SPTBN2: variants seen among roughly 807,000 people sequenced by gnomAD.
SPTBN2 encodes the protein spectrin beta chain, non-erythrocytic 2.
In SPTBN2, 107 loss-of-function variants were observed where a neutral mutation model predicts 284.2. The observed-to-expected ratio is 0.38, with a 90% confidence interval of 0.32 to 0.44. The LOEUF is 0.44. Among genes scored for constraint, SPTBN2 ranks in the 20% least tolerant of loss-of-function variants. SPTBN2 has a pLI of 1.00. For missense variants in SPTBN2, 2,569 were observed against 3,287.1 expected, an observed-to-expected ratio of 0.78 and a Z score of 5.34; for synonymous variants, 1,289 against 1,354.8, an observed-to-expected ratio of 0.95 and a Z score of 1.07.
intron 15 of SPTBN2, among the ~76,000 whole-genome samples, chr11:66,702,411 C>T (rs546891994): frequency 8.5e-5 from 13 of 152,142 alleles, no homozygotes; most frequent in Admixed American, 2.0e-4. Context: ...ATGCTCCACC[C>T]GCCTTGGCCT....
Position 66,718,414 on chromosome 11 carries a change from C to T in SPTBN2, c.158-2433G>A, listed in dbSNP as rs1352144820. Among the ~76,000 whole-genome samples the T allele has an allele frequency of 1.3e-5, 2 of 152,254 alleles. No individual in the cohort carries two copies. The highest frequency in any genetic ancestry group is 2.9e-5 in the Non-Finnish European group (2 of 68,044). Reference sequence around the variant, plus strand: ...CAGGTCCCTCTCGCCCAGGCACAGTCGTCCCCACAGGGGGCCCCCGGGCCT... The same window carrying T: ...CAGGTCCCTCTCGCCCAGGCACAGTTGTCCCCACAGGGGGCCCCCGGGCCT... On this transcript the variant is annotated intron_variant, in intron 3 of 37. Transcript: ENST00000533211. This position sits in a 1 kb window ranked among gnomAD's most constrained non-coding sequence, Gnocchi z 4.8.
chr11:66,688,472 G>A (rs1940306447), intron 31 of SPTBN2, among the ~76,000 whole-genome samples, 161 bp from the exon 32 acceptor site: 1 of 152,256 alleles, frequency 6.6e-6, no homozygotes, highest in Non-Finnish European at 1.5e-5. Context: ...GGGAGAAGGT[G>A]TCTCGGCATC....
rs147422843 is a variant in SPTBN2 at position 66,708,155 on chromosome 11, G to A, written c.1336C>T (p.Arg446Cys). 1.9e-5 allele frequency: 31 copies of A among 1,613,128 alleles called. No individual in the cohort carries two copies. Among genetic ancestry groups the A allele is most frequent in the African/African-American group, 1.3e-4 (10 of 75,058 alleles). ...TCAAGTCCTACCTGGGACACGAGGC[G>A]CTGGTTCTCGCTGAGCCAGGTCTCC... ...MRETWLSENQ[R>C]LVSQDNFGLE... The change falls in exon 12 of 38, where the codon CGC becomes TGC. Residue 446 changes from arginine to cysteine, a missense_variant. This residue lies in a region of SPTBN2 where 1,012 missense variants were observed against 1,248.9 expected (regional missense o/e 0.81). Transcript: ENST00000533211. The surrounding 1 kb of genome is among the most constrained non-coding windows in gnomAD (Gnocchi z 4.4).
rs771220214 is a variant in SPTBN2 at position 66,693,793 on chromosome 11, C to T, written c.4572G>A (p.Gln1524=). The T allele has an allele frequency of 1.2e-6, 2 of 1,613,502 alleles. No individual in the cohort carries two copies. The highest frequency in any genetic ancestry group is 8.5e-7 in the Non-Finnish European group (1 of 1,179,826). The change falls in exon 23 of 38, where the codon CAG becomes CAA. Residue 1524 remains glutamine, a synonymous_variant. Coordinates refer to ENST00000533211, the MANE Select transcript of SPTBN2 (RefSeq NM_006946.4). This position sits in a 1 kb window ranked among gnomAD's most constrained non-coding sequence, Gnocchi z 5.7. ...TCACCTGGTTTTTCTTCATGAGAAG[C>T]TGGACGCTGGGCAGGTCCTTGCCAT... ...MEHGKDLPSV[Q]LLMKKNQTLQ...
chr11:66,689,283 CTTTT>C (rs879680949), intron 29 of SPTBN2, 103 bp from the exon 30 acceptor site: 2 of 1,107,630 alleles, frequency 1.8e-6, no homozygotes, highest in Non-Finnish European at 1.3e-6. Context: ...TTCTTTCTTT[CTTTT>C]TTTTGAGACG....
At chr11:66,740,379 A>T (rs1942887465) in intron 1 of SPTBN2, among the ~76,000 whole-genome samples, 1 of 152,222 alleles carries the variant, frequency 6.6e-6, no homozygotes, top group Non-Finnish European at 1.5e-5. Context: ...CTGTAGTCCA[A>T]GAATTGCACA....
chr11:66,701,747 G>T, intron 15 of SPTBN2, 26 bp from the exon 16 acceptor site: 1 of 1,614,048 alleles, frequency 6.2e-7, no homozygotes. Context: ...AGCCAGGCGT[G>T]AATTGTGGGA....
chr11:66,737,816 G>A (rs1019407538), intron 1 of SPTBN2, among the ~76,000 whole-genome samples: 5 of 152,198 alleles, frequency 3.3e-5, no homozygotes, highest in African/African-American at 1.2e-4. Flanking sequence ...GAGGAAGGAG[G>A]TAGAGAGAAG....
rs753376780 is a variant in SPTBN2, at chr11:66,693,742, C to T, written c.4593+30G>A. ...CCAAGTCTGGGCAGGCTCCTGGGAA[C>T]TTCTCTTTTGCCTTCAGCCTCTGCC... On this transcript the variant is annotated intron_variant, in intron 23 of 37. Coordinates refer to ENST00000533211, the MANE Select transcript of SPTBN2 (RefSeq NM_006946.4). The surrounding 1 kb of genome is among the most constrained non-coding windows in gnomAD (Gnocchi z 5.7). The T allele has an allele frequency of 2.5e-6, 4 of 1,597,976 alleles. No individual in the cohort carries two copies. In the South Asian group the frequency reaches 4.5e-5, roughly 18 times the overall value.
chr11:66,705,127 G>C lies in SPTBN2; in HGVS notation c.2149C>G (p.Gln717Glu). The C allele has an allele frequency of 1.3e-6, 2 of 1,546,024 alleles. No homozygotes were observed. The highest frequency in any genetic ancestry group is 1.7e-6 in the Non-Finnish European group (2 of 1,149,640). ...LVAEGHPGAS[Q>E]ASARAAELQA... ...AGTTCAGCTGCACGGGCAGAGGCCT[G>C]GCTTGCCCCAGGGTGACCCTCGGCC... The change falls in exon 15 of 38, where the codon CAG becomes GAG. Residue 717 changes from glutamine to glutamate, a missense_variant. Transcript: ENST00000533211.
chr11:66,687,004 A>C lies in SPTBN2; in HGVS notation c.6886T>G (p.Phe2296Val). The change falls in exon 36 of 38, where the codon TTC becomes GTC. Residue 2296 changes from phenylalanine (F) to valine (V), a missense_variant. Phe to Val is a conservative substitution (Grantham distance 50, BLOSUM62 -1). This residue lies in a region of SPTBN2 where 1,130 missense variants were observed against 1,317.3 expected (regional missense o/e 0.86). Transcript: ENST00000533211. The surrounding 1 kb of genome is among the most constrained non-coding windows in gnomAD (Gnocchi z 5.2). ...GTTCCCTGTTCCTACCCCAGCTTGA[A>C]GACATGTTTGCGCTTTCGGTAATCA... ...AFDYRKRKHV[F>V]KLGLQDGKEY... is the part of the protein sequence containing the mutation. The C allele has an allele frequency of 6.2e-7, 1 of 1,613,946 alleles. No individual in the cohort carries two copies. Among genetic ancestry groups the C allele is most frequent in the Non-Finnish European group, 8.5e-7 (1 of 1,180,018 alleles).
At chr11:66,703,869 T>C (rs116852454) in intron 15 of SPTBN2, among the ~76,000 whole-genome samples, 2 of 152,308 alleles carry the variant, frequency 1.3e-5, no homozygotes, top group Admixed American at 6.5e-5. Flanking sequence ...TTAGTGTCTC[T>C]GTCTAAAAGG....
intron 8 of SPTBN2, among the ~76,000 whole-genome samples, chr11:66,712,484 T>G (rs1590963674): frequency 6.6e-6 from 1 of 151,044 alleles, no homozygotes; most frequent in African/African-American, 2.4e-5. Context: ...GAGGCGGAGG[T>G]TGCAGTGAGC....
rs761586529 is a variant in SPTBN2, at chr11:66,688,724, G to A, written c.6160C>T (p.Arg2054Trp). ...TVDEVESLIK[R>W]HEAFQKSAVA... ...GCTGACTTCTGGAAGGCCTCGTGCCGCTTGATGAGGCTCTCAACTTCGTCG... is the reference window on the plus strand; with the variant it reads ...GCTGACTTCTGGAAGGCCTCGTGCCACTTGATGAGGCTCTCAACTTCGTCG... Residue 2054 changes from arginine (R) to tryptophan (W), a missense_variant, in exon 31 of 38, where the codon CGG becomes TGG. Coordinates refer to ENST00000533211, the MANE Select transcript of SPTBN2 (RefSeq NM_006946.4). 4.3e-6 allele frequency: 7 copies of A among 1,613,754 alleles called. No homozygotes were observed. The Admixed American group carries it at 6.7e-5, about 15-fold the overall frequency.
chr11:66,742,889 C>T (rs1180743254), intron 1 of SPTBN2, among the ~76,000 whole-genome samples: 4 of 152,196 alleles, frequency 2.6e-5, no homozygotes, highest in African/African-American at 7.2e-5. Flanking sequence ...GGATTACAGG[C>T]GTGAGCCACT....
rs566851314 is a variant in SPTBN2 at position 66,698,104 on chromosome 11, C to T, written c.4014+535G>A. ...TGGGTGGGAGACCAAGAACCAGGGA[C>T]GGCAAGACTCGAAAATAAGGATTGG... On this transcript the variant is annotated intron_variant, in intron 20 of 37. Coordinates refer to ENST00000533211, the MANE Select transcript of SPTBN2 (RefSeq NM_006946.4). Among the ~76,000 whole-genome samples the T allele has an allele frequency of 1.1e-3, 175 of 152,260 alleles. 1 individual carries two copies. Among genetic ancestry groups the T allele is most frequent in the African/African-American group, 3.3e-3 (138 of 41,562 alleles).
At position 66,685,819 on chromosome 11, in the gene SPTBN2, C is replaced by T; in HGVS notation, c.*52G>A. On this transcript the variant is annotated 3_prime_UTR_variant, in exon 38 of 38. Coordinates refer to ENST00000533211, the MANE Select transcript of SPTBN2 (RefSeq NM_006946.4). The surrounding 1 kb of genome is among the most constrained non-coding windows in gnomAD (Gnocchi z 4.4). ...AGAGGGCGGTCCCTGTCGACTGTCC[C>T]TGGCAGTTTCCTGAACGGAGGGAGG... The T allele has an allele frequency of 6.4e-7, 1 of 1,570,674 alleles. No individual in the cohort carries two copies. Among genetic ancestry groups the T allele is most frequent in the Non-Finnish European group, 8.8e-7 (1 of 1,142,512 alleles).
In SPTBN2 at chr11:66,690,259, G is replaced by C. The variant is rs1360635897; in HGVS notation, c.5590C>G (p.His1864Asp). Reference protein sequence around the residue: ...PQVQQVQDDGHRLQKAYAGDK... With the variant: ...PQVQQVQDDGDRLQKAYAGDK... ...CCAGCGTAGGCCTTCTGGAGCCGGT[G>C]GCCGTCGTCCTGCACCTGCTGGACC... Residue 1864 changes from histidine (H) to aspartate (D), a missense_variant, in exon 28 of 38, where the codon CAC becomes GAC. Physicochemically the swap from His to Asp is moderately conservative, Grantham distance 81. This residue lies in a region of SPTBN2 where 1,130 missense variants were observed against 1,317.3 expected (regional missense o/e 0.86). Transcript: ENST00000533211. 12 of 1,611,228 alleles carry C rather than the reference G, an allele frequency of 7.4e-6. No individual in the cohort carries two copies. The highest frequency in any genetic ancestry group is 1.0e-5 in the Non-Finnish European group (12 of 1,178,864).
At chr11:66,712,823 T>C (rs763161217) in intron 8 of SPTBN2, 3 of 152,712 alleles carry the variant, frequency 2.0e-5, no homozygotes, top group Non-Finnish European at 2.9e-5. Context: ...CATTCTGACC[T>C]GGACTGGTTC....
Sources: gnomAD v4.1 joint callset for allele counts (sites outside exome capture counted in the v4.1 genomes callset) on GRCh38, gnomAD v4.1.1 for gene constraint, gnomAD v4.1.1 regional missense constraint, Gnocchi (gnomAD v3.1) non-coding constraint, MANE v1.5 for transcripts, NCBI Gene and HGNC (gene_info 2026-07-23, HGNC 2026-07-21) for gene names.